The following KIAA1217 variants were observed in gnomAD, a reference collection of about 807,000 sequenced individuals.
KIAA1217 encodes sickle tail protein homolog.
Under a neutral mutation model 163.9 loss-of-function variants are expected in KIAA1217, and 88 were observed. That is an observed-to-expected ratio of 0.54 (90% confidence interval 0.45 to 0.64). KIAA1217 has a LOEUF of 0.64. Ranked by LOEUF, KIAA1217 falls within the 30% of genes least tolerant of loss-of-function variation. The probability of loss-of-function intolerance (pLI) is 0.00; values close to 1 mark genes in which losing one functional copy is unlikely to be tolerated. For synonymous variants in KIAA1217, 903 were observed against 923.1 expected, an observed-to-expected ratio of 0.98 and a Z score of 0.39; for missense variants, 2,372 against 2,475.0, an observed-to-expected ratio of 0.96 and a Z score of 0.88.
intron 2 of KIAA1217, among the ~76,000 whole-genome samples, chr10:24,332,273 A>C (rs1272523878): frequency 6.6e-6 from 1 of 152,250 alleles, no homozygotes; most frequent in Non-Finnish European, 1.5e-5. Flanking sequence ...TGTCCTGCCT[A>C]TCAGGGGTAC....
chr10:24,128,483 A>T lies in KIAA1217; in HGVS notation c.-170-91143A>T, dbSNP rs565160039. On this transcript the variant is annotated intron_variant, in intron 2 of 18. Transcript: ENST00000376462. Reference sequence around the variant, plus strand: ...TTGGAATGAATAGGGCTGGCTCCAGAAAGTGCTGACTTCAACATTTTTGCG... The same window carrying T: ...TTGGAATGAATAGGGCTGGCTCCAGTAAGTGCTGACTTCAACATTTTTGCG... 2.0e-5 allele frequency among the ~76,000 whole-genome samples: 3 copies of T among 152,336 alleles called. No homozygotes were observed. The South Asian group carries it at 6.2e-4, about 32-fold the overall frequency.
intron 5 of KIAA1217, among the ~76,000 whole-genome samples, chr10:24,448,250 G>A (rs1041235200): frequency 6.6e-6 from 1 of 151,756 alleles, no homozygotes; most frequent in Non-Finnish European, 1.5e-5. Flanking sequence ...TTTGCGTGGG[G>A]GGGGCTGGAG....
intron 1 of KIAA1217, among the ~76,000 whole-genome samples, chr10:24,004,440 T>C (rs943368522): frequency 7.2e-5 from 11 of 152,202 alleles, no homozygotes; most frequent in African/African-American, 2.7e-4. Context: ...TTTTTAGTAG[T>C]ATAACTGGAA....
chr10:24,530,456 T>G (rs1199262409), intron 14 of KIAA1217, among the ~76,000 whole-genome samples: 3 of 152,212 alleles, frequency 2.0e-5, no homozygotes, highest in Admixed American at 1.3e-4. Flanking sequence ...GTCATTTTAA[T>G]TTATTTGTCA....
At chr10:24,258,448 C>T (rs191414531) in intron 2 of KIAA1217, among the ~76,000 whole-genome samples, 1 of 152,196 alleles carries the variant, frequency 6.6e-6, no homozygotes, top group Admixed American at 6.5e-5. Context: ...AACAGATACA[C>T]CCTGAGAATC....
chr10:23,970,882 G>A (rs563409824), intron 1 of KIAA1217, among the ~76,000 whole-genome samples: 11 of 152,304 alleles, frequency 7.2e-5, no homozygotes, highest in Admixed American at 6.5e-4. Flanking sequence ...TGCCTCCTCA[G>A]GAGAAATAAT....
intron 5 of KIAA1217, among the ~76,000 whole-genome samples, chr10:24,454,067 A>C (rs138242873): frequency 1.3e-5 from 2 of 152,248 alleles, no homozygotes; most frequent in African/African-American, 4.8e-5. Flanking sequence ...AAAGCATACA[A>C]TTGGCAAAAA....
At chr10:24,402,072 T>G (rs889429534) in intron 3 of KIAA1217, among the ~76,000 whole-genome samples, 6 of 152,212 alleles carry the variant, frequency 3.9e-5, no homozygotes, top group African/African-American at 1.4e-4. Flanking sequence ...GAAGAGACTA[T>G]TTTCATAGAT....
At chr10:23,699,197 T>TA (rs1156509856) in intron 1 of KIAA1217, among the ~76,000 whole-genome samples, 3 of 152,230 alleles carry the variant, frequency 2.0e-5, no homozygotes, top group Admixed American at 1.3e-4. Flanking sequence ...TGGGGTCCTG[T>TA]GGCTCCCAGT....
At chr10:24,354,051 C>G (rs555623368) in intron 2 of KIAA1217, among the ~76,000 whole-genome samples, 7 of 152,182 alleles carry the variant, frequency 4.6e-5, no homozygotes, top group Non-Finnish European at 7.3e-5. Flanking sequence ...AATAACTTGT[C>G]ACTGTGGCCC....
intron 6 of KIAA1217, among the ~76,000 whole-genome samples, chr10:24,492,233 G>A (rs913713720): frequency 7.2e-5 from 11 of 152,198 alleles, no homozygotes; most frequent in Admixed American, 6.5e-4. Context: ...ATGCTACTGT[G>A]ACTTGGGTCA....
chr10:24,424,162 T>C (rs2058993178), intron 3 of KIAA1217, among the ~76,000 whole-genome samples: 1 of 152,238 alleles, frequency 6.6e-6, no homozygotes, highest in South Asian at 2.1e-4. Flanking sequence ...CATTCTGCTT[T>C]GTCACCTACT....
chr10:23,754,855 A>G (rs1833843345), intron 1 of KIAA1217, among the ~76,000 whole-genome samples: 2 of 151,590 alleles, frequency 1.3e-5, no homozygotes, highest in South Asian at 4.1e-4. Flanking sequence ...TTTTTTTCCT[A>G]AATGAGACTT....
chr10:24,427,959 C>T (rs915130104), intron 3 of KIAA1217, among the ~76,000 whole-genome samples: 1 of 152,212 alleles, frequency 6.6e-6, no homozygotes, highest in Non-Finnish European at 1.5e-5. Context: ...TTTTTCCCAT[C>T]CTGCCTGGCT....
intron 1 of KIAA1217, among the ~76,000 whole-genome samples, chr10:23,869,106 G>A (rs1435699855): frequency 2.3e-5 from 3 of 129,380 alleles, no homozygotes; most frequent in African/African-American, 6.1e-5. Flanking sequence ...GCAGTGTAAC[G>A]TGCAATCATG....
chr10:23,854,538 T>C (rs890867221), intron 1 of KIAA1217, among the ~76,000 whole-genome samples: 1 of 152,214 alleles, frequency 6.6e-6, no homozygotes, highest in African/African-American at 2.4e-5. Context: ...ATCCGCTTGG[T>C]GCAGAGCTGA....
chr10:24,390,472 G>A (rs76734913), intron 3 of KIAA1217, among the ~76,000 whole-genome samples: 2,228 of 58,420 alleles, frequency 0.038, 124 homozygotes, highest in African/African-American at 0.24. Context: ...AGGGAGGGAG[G>A]GAGGGAAGGA....
chr10:24,527,015 C>G (rs2072293475), intron 13 of KIAA1217, among the ~76,000 whole-genome samples: 1 of 152,020 alleles, frequency 6.6e-6, no homozygotes, highest in Non-Finnish European at 1.5e-5. Flanking sequence ...CACTCTGCCC[C>G]CTTAGAATTA....
At chr10:24,137,720 G>A (rs1400064424) in intron 2 of KIAA1217, among the ~76,000 whole-genome samples, 1 of 152,124 alleles carries the variant, frequency 6.6e-6, no homozygotes, top group Admixed American at 6.6e-5. Context: ...TATTTGGAAG[G>A]TTTTATTATC....
Sources: allele counts gnomAD v4.1 joint callset (sites outside exome capture counted in the v4.1 genomes callset), GRCh38; gene constraint gnomAD v4.1.1; transcripts MANE v1.5; gene names NCBI Gene and HGNC (gene_info 2026-07-23, HGNC 2026-07-21).